The following KCNQ3 variants were observed in gnomAD, a reference collection of about 807,000 sequenced individuals.
The protein encoded by KCNQ3 is potassium voltage-gated channel subfamily KQT member 3.
Under a neutral mutation model 92.5 loss-of-function variants are expected in KCNQ3, and 30 were observed. That is an observed-to-expected ratio of 0.32 (90% CI 0.24 to 0.44). KCNQ3 has a LOEUF of 0.44. Among genes scored for constraint, KCNQ3 ranks in the 20% least tolerant of loss-of-function variants. The pLI, the probability that KCNQ3 is intolerant of heterozygous loss-of-function variation, is 1.00. For synonymous variants in KCNQ3, 450 were observed against 468.8 expected, an observed-to-expected ratio of 0.96 and a Z score of 0.52; for missense variants, 913 against 1,140.3, an observed-to-expected ratio of 0.80 and a Z score of 2.87.
intron 1 of KCNQ3, among the ~76,000 whole-genome samples, chr8:132,361,138 G>GC (rs1387108511): frequency 3.9e-5 from 6 of 152,184 alleles, no homozygotes; most frequent in Non-Finnish European, 7.3e-5. Flanking sequence ...AGGTTACTGA[G>GC]CTAAGGCAAC....
At chr8:132,329,109 G>A (rs1222078107) in intron 1 of KCNQ3, among the ~76,000 whole-genome samples, 4 of 152,188 alleles carry the variant, frequency 2.6e-5, no homozygotes, top group African/African-American at 9.7e-5. Context: ...AATTTCTCAT[G>A]GAGGAAGGCA....
In KCNQ3 at chr8:132,480,483, TCGCCGCCGC is replaced by T. The variant is rs981093917; in HGVS notation, c.41_49del (p.Gly14_Gly16del). On this transcript the variant is annotated inframe_deletion, in exon 1 of 15. Coordinates refer to ENST00000388996, the MANE Select transcript of KCNQ3 (RefSeq NM_004519.4). Reference sequence around the variant, plus strand: ...CGCCCCGCCGCCTCCGCCGCCCCCGTCGCCGCCGCCGCCAGCCGCCCCCGCCGCCCTGCG... The same window carrying T: ...CGCCCCGCCGCCTCCGCCGCCCCCGTCGCCAGCCGCCCCCGCCGCCCTGCG... The T allele has an allele frequency of 1.7e-5, 20 of 1,211,130 alleles. 1 individual carries two copies. In the South Asian group the frequency reaches 5.1e-4, roughly 31 times the overall value. The allele number at this position is 1,211,130 out of a possible 1,614,324, so 75.0% of individuals were successfully genotyped here. A position where few individuals can be genotyped will look rare whatever the true frequency, so the allele number is the denominator to read the frequency against.
chr8:132,199,368 C>T (rs947221308), intron 1 of KCNQ3, among the ~76,000 whole-genome samples: 7 of 152,146 alleles, frequency 4.6e-5, no homozygotes, highest in African/African-American at 1.7e-4. Flanking sequence ...AGCACAGTTG[C>T]AATTATAACC....
chr8:132,279,883 T>C (rs1816461487), intron 1 of KCNQ3, among the ~76,000 whole-genome samples: 1 of 152,154 alleles, frequency 6.6e-6, no homozygotes, highest in South Asian at 2.1e-4. Context: ...TATATATATT[T>C]GAGATAGTTC....
intron 1 of KCNQ3, among the ~76,000 whole-genome samples, chr8:132,363,969 G>C (rs1819243893): frequency 6.6e-6 from 1 of 151,802 alleles, no homozygotes; most frequent in African/African-American, 2.4e-5. Flanking sequence ...TTTTTAAAAA[G>C]TTCATGTGTA....
chr8:132,414,448 C>A (rs1820739395), intron 1 of KCNQ3, among the ~76,000 whole-genome samples: 1 of 152,228 alleles, frequency 6.6e-6, no homozygotes, highest in African/African-American at 2.4e-5. Context: ...CAGCCCAAGG[C>A]ATGTCAAATG....
At chr8:132,379,910 TA>T (rs1338737058) in intron 1 of KCNQ3, among the ~76,000 whole-genome samples, 3 of 151,900 alleles carry the variant, frequency 2.0e-5, no homozygotes, top group African/African-American at 7.3e-5. Context: ...TTTTTACATT[TA>T]TTTTTTGGCT....
Position 132,134,338 on chromosome 8 carries a change from T to G in KCNQ3, c.1751A>C (p.Lys584Thr). The G allele has an allele frequency of 6.2e-7, 1 of 1,614,088 alleles. No individual in the cohort carries two copies. The highest frequency in any genetic ancestry group is 8.5e-7 in the Non-Finnish European group (1 of 1,179,978). ...PGPPSTPKHK[K>T]SQKGSAFTFP... Reference sequence around the variant, plus strand: ...GGTGAATGCTGACCCTTTCTGAGACTTCTTGTGTTTTGGCGTGGAGGGAGG... The same window carrying G: ...GGTGAATGCTGACCCTTTCTGAGACGTCTTGTGTTTTGGCGTGGAGGGAGG... The change falls in exon 13 of 15, where the codon AAG becomes ACG. Residue 584 changes from lysine to threonine, a missense_variant. Physicochemically the swap from Lys to Thr is moderately conservative, Grantham distance 78 (BLOSUM62 -1). Transcript: ENST00000388996.
intron 1 of KCNQ3, among the ~76,000 whole-genome samples, chr8:132,194,635 C>A (rs1810817903): frequency 6.6e-6 from 1 of 152,180 alleles, no homozygotes; most frequent in South Asian, 2.1e-4. Context: ...AGGAAAAGAC[C>A]AACCATTTGC....
intron 1 of KCNQ3, among the ~76,000 whole-genome samples, chr8:132,327,074 T>C (rs1685454399): frequency 6.6e-6 from 1 of 152,188 alleles, no homozygotes; most frequent in Non-Finnish European, 1.5e-5. Flanking sequence ...TTCATTGCTA[T>C]ACCCTCGAGC....
intron 1 of KCNQ3, among the ~76,000 whole-genome samples, chr8:132,296,887 TC>T (rs1305300826): frequency 1.3e-5 from 2 of 152,080 alleles, no homozygotes; most frequent in Non-Finnish European, 2.9e-5. Flanking sequence ...TGATTTATAA[TC>T]CTTTGGGTAT....
intron 1 of KCNQ3, among the ~76,000 whole-genome samples, 153 bp downstream of exon 1, chr8:132,479,994 C>CACACACA (rs1554660748): frequency 1.8e-5 from 2 of 111,098 alleles, no homozygotes; most frequent in East Asian, 2.7e-4. Context: ...ACACACACAC[C>CACACACA]CAGGGAAACG....
chr8:132,380,721 A>G (rs983489353), intron 1 of KCNQ3, among the ~76,000 whole-genome samples: 6 of 151,792 alleles, frequency 4.0e-5, no homozygotes, highest in African/African-American at 1.5e-4. Context: ...GTGAGAGAAA[A>G]TGCCCAGAGA....
chr8:132,429,861 C>CAAA (rs374921143), intron 1 of KCNQ3, among the ~76,000 whole-genome samples: 10 of 64,048 alleles, frequency 1.6e-4, no homozygotes, highest in Non-Finnish European at 2.3e-4. Context: ...AACTCCTTCT[C>CAAA]AAAAAAAAAA....
intron 1 of KCNQ3, among the ~76,000 whole-genome samples, chr8:132,239,833 T>A (rs1228407088): frequency 6.6e-6 from 1 of 152,220 alleles, no homozygotes; most frequent in Non-Finnish European, 1.5e-5. Context: ...CCAGTTTCTA[T>A]GTTCGGAGAA....
chr8:132,236,048 T>C (rs2130388446), intron 1 of KCNQ3, among the ~76,000 whole-genome samples: 1 of 152,334 alleles, frequency 6.6e-6, no homozygotes, highest in African/African-American at 2.4e-5. Context: ...GCTTCTTTTC[T>C]GGATAAATCC....
chr8:132,180,080 C>T, intron 4 of KCNQ3, 77 bp downstream of exon 4: 2 of 1,502,058 alleles, frequency 1.3e-6, no homozygotes, highest in Non-Finnish European at 1.8e-6. Context: ...GGGGACACTG[C>T]AAAGGAAGGG....
chr8:132,344,971 G>GTC (rs895233449), intron 1 of KCNQ3, among the ~76,000 whole-genome samples: 3 of 152,140 alleles, frequency 2.0e-5, no homozygotes, highest in African/African-American at 7.2e-5. Flanking sequence ...AGAGTGACCA[G>GTC]TCTCTCAAGG....
rs1824578498 is a variant in KCNQ3, at chr8:132,123,921, CTCTT to C, written c.*5337_*5340del. ...CAGGGAAGGTTTAAGCAAGCATTAA[CTCTT>C]TCTTCTGCAAGTTCCCCCATTCATT... On this transcript the variant is annotated 3_prime_UTR_variant, in exon 15 of 15. Transcript: ENST00000388996. 1 of 152,230 alleles carries C rather than the reference CTCTT, an allele frequency of 6.6e-6. No individual in the cohort carries two copies. Among genetic ancestry groups the C allele is most frequent in the South Asian group, 2.1e-4 (1 of 4,830 alleles). The allele number at this position is 152,230 out of a possible 1,614,324, so 9.4% of individuals were successfully genotyped here. A position where few individuals can be genotyped will look rare whatever the true frequency, so the allele number is the denominator to read the frequency against.
Sources: allele counts gnomAD v4.1 joint callset (sites outside exome capture counted in the v4.1 genomes callset), GRCh38; gene constraint gnomAD v4.1.1; transcripts MANE v1.5; gene names NCBI Gene and HGNC (gene_info 2026-07-23, HGNC 2026-07-21).